The following MLXIP variants were observed in gnomAD, a reference collection of about 807,000 sequenced individuals.
MLXIP encodes the protein MLX interacting protein.
A neutral mutation model predicts 87.2 loss-of-function variants in MLXIP; 30 were observed. That is an observed-to-expected ratio of 0.34 (90% CI 0.26 to 0.47). The LOEUF is 0.47. MLXIP is among the 20% of genes least tolerant of loss of function. MLXIP has a pLI of 1.00. For synonymous variants in MLXIP, 530 were observed against 514.0 expected, an observed-to-expected ratio of 1.03 and a Z score of -0.42; for missense variants, 1,002 against 1,240.1, an observed-to-expected ratio of 0.81 and a Z score of 2.88.
At chr12:122,104,420 G>A (rs1952488015) in intron 1 of MLXIP, among the ~76,000 whole-genome samples, 3 of 152,136 alleles carry the variant, frequency 2.0e-5, no homozygotes, top group South Asian at 2.1e-4. Context: ...CCTTTGTTCG[G>A]CATGTTTTTA....
Position 122,128,903 on chromosome 12 carries a change from C to T in MLXIP, c.607-234C>T, listed in dbSNP as rs1952925660. 17 of 541,642 alleles carry T rather than the reference C, an allele frequency of 3.1e-5. 1 individual carries two copies. In the South Asian group the frequency reaches 3.6e-4, roughly 11 times the overall value. 33.6% of individuals were successfully genotyped at this position (541,642 alleles called of 1,614,324 possible). ...TCCTGGACAGAGCCTCAGGACCGTGCCCCCAAGGCCTTTGGCTACCTTAGG... is the reference window on the plus strand; with the variant it reads ...TCCTGGACAGAGCCTCAGGACCGTGTCCCCAAGGCCTTTGGCTACCTTAGG... On this transcript the variant is annotated intron_variant, in intron 3 of 16. Transcript: ENST00000319080.
At chr12:122,103,061 C>T (rs1047399611) in intron 1 of MLXIP, among the ~76,000 whole-genome samples, 8 of 151,542 alleles carry the variant, frequency 5.3e-5, no homozygotes, top group South Asian at 2.1e-4. Context: ...TGAAGTGCAG[C>T]GGCATGATCA....
At position 122,127,337 on chromosome 12, in the gene MLXIP, C is replaced by T. The variant is rs774905675; in HGVS notation, c.495C>T (p.Ala165=). The stretch of plus-strand genomic sequence containing the variant: ...GAGACAAGATCCGGCTCAATAATGC[C>T]ATCTGGCGGGCCTGGTACATGCAGT... The part of the protein sequence containing the change: ...QWRDKIRLNN[A]IWRAWYMQYL... The change falls in exon 2 of 17, where the codon GCC becomes GCT. Residue 165 remains alanine (A), a synonymous_variant. Coordinates refer to ENST00000319080, the MANE Select transcript of MLXIP (RefSeq NM_014938.6). 4.3e-6 allele frequency: 7 copies of T among 1,612,864 alleles called. 1 individual carries two copies. Among genetic ancestry groups the T allele is most frequent in the South Asian group, 2.2e-5 (2 of 90,820 alleles).
rs1424223311 is a variant in MLXIP at position 122,137,193 on chromosome 12, A to G, written c.2033-276A>G. ...ATAATAAAGAGCCCACCTGCGAAAT[A>G]TCTCGTAAAGCGACACCAGTGACTG... On this transcript the variant is annotated intron_variant, in intron 11 of 16. Transcript: ENST00000319080. This position sits in a 1 kb window ranked among gnomAD's most constrained non-coding sequence, Gnocchi z 4.1. 3.2e-5 allele frequency: 9 copies of G among 277,484 alleles called. No homozygotes were observed. The highest frequency in any genetic ancestry group is 6.0e-5 in the Non-Finnish European group (9 of 150,338). 17.2% of individuals were successfully genotyped at this position (277,484 alleles called of 1,614,324 possible).
rs1486468307 is a variant in MLXIP, at chr12:122,096,989, A to T, written c.413+17723A>T. 3.9e-5 allele frequency among the ~76,000 whole-genome samples: 6 copies of T among 152,144 alleles called. No homozygotes were observed. In the South Asian group the frequency reaches 6.2e-4, roughly 16 times the overall value. ...GAAGAGCTGACTCAACGCTCTGAAA[A>T]ATGATTTAAGTATTTTTTGTCAGAT... On this transcript the variant is annotated intron_variant, in intron 1 of 16. Coordinates refer to ENST00000319080, the MANE Select transcript of MLXIP (RefSeq NM_014938.6).
chr12:122,129,348 A>G (rs1191108779), intron 4 of MLXIP, 122 bp downstream of exon 4: 14 of 1,004,086 alleles, frequency 1.4e-5, no homozygotes, highest in Non-Finnish European at 2.1e-5. Context: ...AGCGTCAAGC[A>G]GTAAATCTGG....
intron 2 of MLXIP, 132 bp from the exon 3 acceptor site, chr12:122,127,751 C>T: frequency 1.4e-6 from 1 of 724,962 alleles, no homozygotes; most frequent in Non-Finnish European, 2.4e-6. Context: ...CTGAAATCTC[C>T]TTTTCCTAGG....
chr12:122,126,361 C>T (rs1297828301), intron 1 of MLXIP, among the ~76,000 whole-genome samples: 1 of 152,152 alleles, frequency 6.6e-6, no homozygotes, highest in Non-Finnish European at 1.5e-5. Flanking sequence ...CCCGTGAGAC[C>T]GTCCCCGAGT....
Position 122,078,892 on chromosome 12 carries a change from T to G in MLXIP, c.39T>G (p.Pro13=). The G allele has an allele frequency of 8.8e-7, 1 of 1,140,544 alleles. No homozygotes were observed. The allele number at this position is 1,140,544 out of a possible 1,614,324, so 70.7% of individuals were successfully genotyped here. The part of the protein sequence containing the change: ...ADVFMCSPRR[P]RSRGRQVLLK... Reference sequence around the variant, plus strand: ...TCTTCATGTGCTCCCCGCGCCGGCCTCGCAGCCGGGGCCGCCAGGTGCTGC... The same window carrying G: ...TCTTCATGTGCTCCCCGCGCCGGCCGCGCAGCCGGGGCCGCCAGGTGCTGC... The change falls in exon 1 of 17, where the codon CCT becomes CCG. Residue 13 remains proline (P), a synonymous_variant. Transcript: ENST00000319080.
chr12:122,094,033 C>T (rs1468533460), intron 1 of MLXIP, among the ~76,000 whole-genome samples: 1 of 110,850 alleles, frequency 9.0e-6, no homozygotes, highest in African/African-American at 3.7e-5. Flanking sequence ...GGTGTATTTG[C>T]GCTATCTGTG....
rs1953139948 is a variant in MLXIP, at chr12:122,138,670, C to T, written c.2384+119C>T. On this transcript the variant is annotated intron_variant, in intron 14 of 16. Transcript: ENST00000319080. The stretch of plus-strand genomic sequence containing the variant: ...TCAGTGCCTCTTTGCTGCAGTAGTT[C>T]TGCTCTTTGTCAACCTCCTTCCACA... 7 of 1,495,220 alleles carry T rather than the reference C, an allele frequency of 4.7e-6. No individual in the cohort carries two copies. In the South Asian group the frequency reaches 9.2e-5, roughly 20 times the overall value. 92.6% of individuals were successfully genotyped at this position (1,495,220 alleles called of 1,614,324 possible).
rs140382205 is a variant in MLXIP at position 122,086,897 on chromosome 12, C to T, written c.413+7631C>T. Among the ~76,000 whole-genome samples the T allele has an allele frequency of 3.4e-3, 521 of 152,284 alleles. 4 individuals are homozygous for T. Among genetic ancestry groups the T allele is most frequent in the African/African-American group, 0.012 (493 of 41,556 alleles). On this transcript the variant is annotated intron_variant, in intron 1 of 16. Coordinates refer to ENST00000319080, the MANE Select transcript of MLXIP (RefSeq NM_014938.6). ...ACTGACTCTCACAGGCCAGCCCTGC[C>T]GTCTTTGCAGCCCTGCTTCTTGTGC...
chr12:122,118,176 A>G (rs1451707414), intron 1 of MLXIP, among the ~76,000 whole-genome samples: 1 of 151,856 alleles, frequency 6.6e-6, no homozygotes, highest in Non-Finnish European at 1.5e-5. Flanking sequence ...TCTGCTGGAC[A>G]AAGGGATGAG....
In MLXIP at chr12:122,137,490, G is replaced by C. The variant is rs1345556667; in HGVS notation, c.2054G>C (p.Gly685Ala). Residue 685 changes from glycine (G) to alanine (A), a missense_variant, in exon 12 of 17, where the codon GGG becomes GCG. Around this residue, in one of 3 missense-constraint regions of MLXIP, gnomAD observed 746 missense variants for 897.0 expected, o/e 0.83. Transcript: ENST00000319080. The surrounding 1 kb of genome is among the most constrained non-coding windows in gnomAD (Gnocchi z 4.1). Reference protein sequence around the residue: ...TGPSRDCPNSGQASPCASEQS... With the variant: ...TGPSRDCPNSAQASPCASEQS... The stretch of plus-strand genomic sequence containing the variant: ...CCAGGTCGGGACTGCCCAAACTCAG[G>C]GCAGGCCTCTCCGTGTGCATCGGAG... 6.2e-7 allele frequency: 1 copy of C among 1,613,944 alleles called. No homozygotes were observed. Among genetic ancestry groups the C allele is most frequent in the Non-Finnish European group, 8.5e-7 (1 of 1,179,866 alleles).
intron 1 of MLXIP, among the ~76,000 whole-genome samples, chr12:122,085,762 T>G (rs148015593): frequency 0.51 from 78,161 of 151,870 alleles, 20,762 homozygotes; most frequent in Middle Eastern, 0.66. Flanking sequence ...GACAACAAGA[T>G]AAGTGCTTTT....
At chr12:122,095,533 A>T (rs2135916663) in intron 1 of MLXIP, among the ~76,000 whole-genome samples, 1 of 152,204 alleles carries the variant, frequency 6.6e-6, no homozygotes, top group Non-Finnish European at 1.5e-5. Context: ...GTTTGCTGAA[A>T]AGTTGGGGAG....
chr12:122,113,220 A>C (rs559966597), intron 1 of MLXIP, among the ~76,000 whole-genome samples: 6 of 152,198 alleles, frequency 3.9e-5, no homozygotes, highest in African/African-American at 1.2e-4. Context: ...GTTCCTACCT[A>C]TTTAAGCATT....
Position 122,137,772 on chromosome 12 carries a change from C to T in MLXIP, c.2154+182C>T. ...AACCAGCCCTGTGGGGATGGTGGGC[C>T]CCCTGGAGGCTTTTGGGTGAGCCCC... is the stretch of plus-strand genomic sequence containing the variant. On this transcript the variant is annotated intron_variant, in intron 12 of 16. Transcript: ENST00000319080. This position sits in a 1 kb window ranked among gnomAD's most constrained non-coding sequence, Gnocchi z 4.1. 6.0e-6 allele frequency: 3 copies of T among 501,622 alleles called. No homozygotes were observed. Among genetic ancestry groups the T allele is most frequent in the Non-Finnish European group, 7.7e-6 (3 of 388,044 alleles). 31.1% of individuals were successfully genotyped at this position (501,622 alleles called of 1,614,324 possible). A position where few individuals can be genotyped will look rare whatever the true frequency, so the allele number is the denominator to read the frequency against.
intron 1 of MLXIP, among the ~76,000 whole-genome samples, chr12:122,081,029 CTT>C (rs563228157): frequency 3.2e-4 from 48 of 152,042 alleles, no homozygotes; most frequent in African/African-American, 1.0e-3. Flanking sequence ...CCTTTGCACT[CTT>C]GTTTGGATAA....
Sources: allele counts gnomAD v4.1 joint callset (sites outside exome capture counted in the v4.1 genomes callset), GRCh38; gene constraint gnomAD v4.1.1; regional missense constraint gnomAD v4.1.1; non-coding constraint Gnocchi (gnomAD v3.1); transcripts MANE v1.5; gene names NCBI Gene and HGNC (gene_info 2026-07-23, HGNC 2026-07-21).